Variants in ARL15 observed in about 807,000 individuals in gnomAD.
ARL15 encodes the protein ADP-ribosylation factor-like protein 15.
ARL15 carries 19 observed loss-of-function variants against 25.2 expected under a neutral mutation model. The ratio of observed to expected loss-of-function variants is 0.75; its 90% CI spans 0.53 to 1.10. The LOEUF is 1.10. Among genes scored for constraint, ARL15 ranks in the 50% least tolerant of loss-of-function variants. The probability of loss-of-function intolerance (pLI) is 0.00; values close to 1 mark genes in which losing one functional copy is unlikely to be tolerated. For missense variants in ARL15, 220 were observed against 246.0 expected, an observed-to-expected ratio of 0.89 and a Z score of 0.71; for synonymous variants, 94 against 86.8, an observed-to-expected ratio of 1.08 and a Z score of -0.46.
intron 4 of ARL15, among the ~76,000 whole-genome samples, chr5:53,962,754 A>G (rs1056283874): frequency 7.2e-5 from 11 of 152,240 alleles, no homozygotes; most frequent in Non-Finnish European, 1.3e-4. Context: ...CCTAAAGGAT[A>G]TATGAAAATT....
chr5:54,201,677 T>A (rs890742840), intron 1 of ARL15, among the ~76,000 whole-genome samples: 1 of 152,122 alleles, frequency 6.6e-6, no homozygotes, highest in Non-Finnish European at 1.5e-5. Context: ...TACCTCCCCA[T>A]GCTGTACTTG....
intron 4 of ARL15, among the ~76,000 whole-genome samples, chr5:54,002,192 GA>G (rs1401621948): frequency 1.3e-5 from 2 of 152,178 alleles, no homozygotes; most frequent in Admixed American, 1.3e-4. Flanking sequence ...ACTAAGAGGG[GA>G]GGCAGATCCA....
intron 4 of ARL15, among the ~76,000 whole-genome samples, chr5:53,991,563 G>GAAAAAAAAAAAAAAAAA (rs771075344): frequency 7.8e-6 from 1 of 127,928 alleles, no homozygotes. Context: ...AAAAAAAAAG[G>GAAAAAAAAAAAAAAAAA]GGGGGCGGGG....
chr5:54,052,618 C>T (rs1215439578), intron 4 of ARL15, among the ~76,000 whole-genome samples: 2 of 152,102 alleles, frequency 1.3e-5, no homozygotes, highest in Non-Finnish European at 2.9e-5. Flanking sequence ...AGGGTAAAAA[C>T]GCTAGAATGA....
chr5:54,273,658 G>T, intron 1 of ARL15, among the ~76,000 whole-genome samples: 1 of 152,100 alleles, frequency 6.6e-6, no homozygotes, highest in East Asian at 1.9e-4. Context: ...CCATGTCCTG[G>T]TCTCCTCTCA....
At chr5:54,007,375 C>A (rs1027358021) in intron 4 of ARL15, among the ~76,000 whole-genome samples, 12 of 152,246 alleles carry the variant, frequency 7.9e-5, no homozygotes, top group African/African-American at 2.6e-4. Context: ...AAGTAACTGG[C>A]CTTCTAGCTT....
At chr5:54,072,528 A>G (rs778666972) in intron 4 of ARL15, among the ~76,000 whole-genome samples, 1 of 152,230 alleles carries the variant, frequency 6.6e-6, no homozygotes, top group Non-Finnish European at 1.5e-5. Context: ...TCTCCGAGAT[A>G]TTTAAGTATC....
intron 1 of ARL15, among the ~76,000 whole-genome samples, chr5:54,299,316 C>T (rs1360930958): frequency 6.6e-6 from 1 of 152,184 alleles, no homozygotes; most frequent in Non-Finnish European, 1.5e-5. Flanking sequence ...CTTTCCCACA[C>T]AACTGAACCC....
intron 1 of ARL15, among the ~76,000 whole-genome samples, chr5:54,184,615 CAAAAAAAAAA>C (rs5867920): frequency 1.6e-5 from 2 of 121,642 alleles, no homozygotes; most frequent in African/African-American, 3.1e-5. Flanking sequence ...AGGCTTATAA[CAAAAAAAAAA>C]AAAAAAAAAG....
intron 4 of ARL15, among the ~76,000 whole-genome samples, chr5:53,898,826 T>A (rs1744962012): frequency 6.6e-6 from 1 of 151,750 alleles, no homozygotes; most frequent in South Asian, 2.1e-4. Flanking sequence ...CTAATTTTTG[T>A]ATTTTTTTGT....
intron 1 of ARL15, among the ~76,000 whole-genome samples, chr5:54,234,136 T>C (rs1165827139): frequency 6.6e-6 from 1 of 152,026 alleles, no homozygotes. Flanking sequence ...GCTGGGATTA[T>C]AGGCGCGTGC....
chr5:54,080,412 C>G (rs549421042), intron 4 of ARL15, among the ~76,000 whole-genome samples: 11 of 152,220 alleles, frequency 7.2e-5, no homozygotes, highest in African/African-American at 2.4e-4. Context: ...TTCAAAGATG[C>G]CTTTGGGGAT....
intron 4 of ARL15, among the ~76,000 whole-genome samples, chr5:54,110,804 C>T (rs918880820): frequency 5.3e-5 from 8 of 152,026 alleles, no homozygotes; most frequent in African/African-American, 1.7e-4. Flanking sequence ...CTGCTCCCAA[C>T]GATTTTAAAG....
intron 1 of ARL15, among the ~76,000 whole-genome samples, chr5:54,249,442 A>C (rs1757181698): frequency 6.6e-6 from 1 of 152,180 alleles, no homozygotes; most frequent in Non-Finnish European, 1.5e-5. Flanking sequence ...AGACAGAAGA[A>C]GATATAAGAG....
rs905744931 is a variant in ARL15, at chr5:54,123,663, T to C, written c.254-10253A>G. On this transcript the variant is annotated intron_variant, in intron 3 of 4. Coordinates refer to ENST00000504924, the MANE Select transcript of ARL15 (RefSeq NM_019087.3). ...GATCAGACTTCCCTCTTTACACAATTACTATATATTAAAACAAGACTAGCC... is the reference window on the plus strand; with the variant it reads ...GATCAGACTTCCCTCTTTACACAATCACTATATATTAAAACAAGACTAGCC... Among the ~76,000 whole-genome samples, 10 of 152,238 alleles carry C rather than the reference T, an allele frequency of 6.6e-5. No individual in the cohort carries two copies. The South Asian group carries it at 2.1e-3, about 32-fold the overall frequency.
chr5:54,216,435 T>C (rs1293070166), intron 1 of ARL15, among the ~76,000 whole-genome samples: 1 of 152,206 alleles, frequency 6.6e-6, no homozygotes, highest in African/African-American at 2.4e-5. Flanking sequence ...CAGTATCTGA[T>C]GGAAGAACAT....
chr5:54,023,677 C>A (rs1158392571), intron 4 of ARL15, among the ~76,000 whole-genome samples: 1 of 152,152 alleles, frequency 6.6e-6, no homozygotes, highest in Non-Finnish European at 1.5e-5. Flanking sequence ...TTCCTTCTCT[C>A]AATCCTCTGC....
rs1017935843 is a variant in ARL15 at position 54,244,538 on chromosome 5, C to A, written c.48+65894G>T. 1.2e-4 allele frequency among the ~76,000 whole-genome samples: 18 copies of A among 152,218 alleles called. 1 individual carries two copies. The highest frequency in any genetic ancestry group is 3.9e-4 in the African/African-American group (16 of 41,552). On this transcript the variant is annotated intron_variant, in intron 1 of 4. Coordinates refer to ENST00000504924, the MANE Select transcript of ARL15 (RefSeq NM_019087.3). ...CTAAAACGGGAAAAAAAGGTGAAAT[C>A]ACAAAATCAAACACAATAAAGGTCA...
chr5:54,082,560 T>C (rs1176069772), intron 4 of ARL15, among the ~76,000 whole-genome samples: 2 of 152,194 alleles, frequency 1.3e-5, no homozygotes, highest in Non-Finnish European at 2.9e-5. Flanking sequence ...GTTGAATATG[T>C]TCTATCTTCC....
Sources: allele counts gnomAD v4.1 joint callset (sites outside exome capture counted in the v4.1 genomes callset), GRCh38; gene constraint gnomAD v4.1.1; transcripts MANE v1.5; gene names NCBI Gene and HGNC (gene_info 2026-07-23, HGNC 2026-07-21).